Variants in TBC1D9B observed in about 807,000 individuals in gnomAD.
TBC1D9B encodes TBC1 domain family member 9B, also known as TBC1 domain family, member 9B (with GRAM domain).
In TBC1D9B, 87 loss-of-function variants were observed where a neutral mutation model predicts 121.1. The ratio of observed to expected loss-of-function variants is 0.72; its 90% confidence interval spans 0.60 to 0.86. The LOEUF is 0.86. TBC1D9B is among the 40% of genes least tolerant of loss of function. TBC1D9B has a pLI of 0.00. For synonymous variants in TBC1D9B, 668 were observed against 670.1 expected, an observed-to-expected ratio of 1.00 and a Z score of 0.05; for missense variants, 1,540 against 1,628.6, an observed-to-expected ratio of 0.95 and a Z score of 0.94.
In TBC1D9B at chr5:179,902,471, C is replaced by T. The variant is rs1044338716; in HGVS notation, c.229+2231G>A. 2.0e-5 allele frequency among the ~76,000 whole-genome samples: 3 copies of T among 152,164 alleles called. No individual in the cohort carries two copies. The highest frequency in any genetic ancestry group is 6.5e-5 in the Admixed American group (1 of 15,280). On this transcript the variant is annotated intron_variant, in intron 2 of 20. Transcript: ENST00000355235. This position sits in a 1 kb window ranked among gnomAD's most constrained non-coding sequence, Gnocchi z 4.9. ...TGGTGAGTTGCTTCTGGGGCCTAGC[C>T]TGGCTGGCAGGAAAGGGAGGCACAG...
At position 179,863,344 on chromosome 5, in the gene TBC1D9B, G is replaced by A; in HGVS notation, c.*104C>T. 2 of 1,325,948 alleles carry A rather than the reference G, an allele frequency of 1.5e-6. No homozygotes were observed. The highest frequency in any genetic ancestry group is 2.1e-6 in the Non-Finnish European group (2 of 968,906). The allele number at this position is 1,325,948 out of a possible 1,614,324, so 82.1% of individuals were successfully genotyped here. A position where few individuals can be genotyped will look rare whatever the true frequency, so the allele number is the denominator to read the frequency against. ...CAACTCACTGCTCCTGGGAGAGCAGGAGGGGCACACCTTTAAAGAGAAACT... is the reference window on the plus strand; with the variant it reads ...CAACTCACTGCTCCTGGGAGAGCAGAAGGGGCACACCTTTAAAGAGAAACT... On this transcript the variant is annotated 3_prime_UTR_variant, in exon 21 of 21. Coordinates refer to ENST00000355235, the MANE Select transcript of TBC1D9B (RefSeq NM_015043.4). The surrounding 1 kb of genome is among the most constrained non-coding windows in gnomAD (Gnocchi z 4.5).
chr5:179,870,575 C>A, intron 15 of TBC1D9B, 80 bp from the exon 16 acceptor site: 1 of 1,493,134 alleles, frequency 6.7e-7, no homozygotes, highest in Non-Finnish European at 8.9e-7. Flanking sequence ...GGTGTGTCCA[C>A]CCTCCCCCTC....
intron 18 of TBC1D9B, 190 bp downstream of exon 18, chr5:179,867,588 C>T (rs2113602051): frequency 1.3e-6 from 2 of 1,510,372 alleles, no homozygotes; most frequent in Non-Finnish European, 1.8e-6. Context: ...GGAGTGAGGA[C>T]ATCCACAGGG....
chr5:179,869,697 G>T, intron 17 of TBC1D9B, 72 bp downstream of exon 17: 1 of 1,543,078 alleles, frequency 6.5e-7, no homozygotes, highest in Non-Finnish European at 8.9e-7. Flanking sequence ...GTCTCACAGA[G>T]GCCTGTCCTC....
intron 17 of TBC1D9B, chr5:179,868,169 C>T (rs534372433): frequency 5.2e-5 from 10 of 192,924 alleles, no homozygotes; most frequent in African/African-American, 2.1e-4. Context: ...TCCCAAAGTG[C>T]TGGGATTACA....
At chr5:179,871,419 T>G in intron 15 of TBC1D9B, 43 bp downstream of exon 15, 1 of 1,590,224 alleles carries the variant, frequency 6.3e-7, no homozygotes, top group Non-Finnish European at 8.6e-7. Flanking sequence ...GGCAGGAAGC[T>G]AGGAAGCTAG....
rs773694288 is a variant in TBC1D9B, at chr5:179,891,581, AG to A, written c.841del (p.Leu281TrpfsTer22). 4 of 1,612,540 alleles carry A rather than the reference AG, an allele frequency of 2.5e-6. No homozygotes were observed. The highest frequency in any genetic ancestry group is 3.4e-6 in the Non-Finnish European group (4 of 1,179,808). On this transcript the variant is annotated frameshift_variant, in exon 6 of 21. Transcript: ENST00000355235. LOFTEE classifies it high-confidence loss of function. This position sits in a 1 kb window ranked among gnomAD's most constrained non-coding sequence, Gnocchi z 4.3. ...GCACTCATTCTTGGCTCGGGCGTCC[AG>A]GTCTCTGGGGAAACAAGGTAGGAGG... ...HRNISALKRD[L>X]DARAKNECYR...
chr5:179,879,650 A>C lies in TBC1D9B; in HGVS notation c.1394T>G (p.Met465Arg). ...CACCCCCTTGGCTCCAAGGTCCTCC[A>C]TGGGCGAGTTTTTCTGGAAGAGCTT... Reference protein sequence around the residue: ...LLKLFQKNSPMEDLGAKGAKE... With the variant: ...LLKLFQKNSPREDLGAKGAKE... The change falls in exon 8 of 21, where the codon ATG becomes AGG. Residue 465 changes from methionine to arginine, a missense_variant. By Grantham distance (91) the Met-to-Arg change is moderately conservative. Transcript: ENST00000355235. 5 of 1,614,012 alleles carry C rather than the reference A, an allele frequency of 3.1e-6. No homozygotes were observed. The highest frequency in any genetic ancestry group is 4.2e-6 in the Non-Finnish European group (5 of 1,179,940).
Position 179,904,825 on chromosome 5 carries a change from CAG to C in TBC1D9B, c.119-15_119-14del. Reference sequence around the variant, plus strand: ...CCCACGAGAAGACCTGGGAACAGGGCAGAGAGACATAGAGGGTGAGGGGAGGG... The same window carrying C: ...CCCACGAGAAGACCTGGGAACAGGGCAGAGACATAGAGGGTGAGGGGAGGG... On this transcript the variant is annotated splice_polypyrimidine_tract_variant and intron_variant, in intron 1 of 20. Coordinates refer to ENST00000355235, the MANE Select transcript of TBC1D9B (RefSeq NM_015043.4). The surrounding 1 kb of genome is among the most constrained non-coding windows in gnomAD (Gnocchi z 4.2). 6.5e-7 allele frequency: 1 copy of C among 1,548,048 alleles called. No individual in the cohort carries two copies. The highest frequency in any genetic ancestry group is 1.2e-5 in the South Asian group (1 of 83,780).
chr5:179,873,154 C>T lies in TBC1D9B; in HGVS notation c.2281G>A (p.Val761Met). 1 of 1,612,786 alleles carries T rather than the reference C, an allele frequency of 6.2e-7. No individual in the cohort carries two copies. Among genetic ancestry groups the T allele is most frequent in the Non-Finnish European group, 8.5e-7 (1 of 1,179,484 alleles). ...ACTTTCAGGAGCTCAAAGATGTCCA[C>T]CTCTGCAGGGGGGTCATCGCTGCTG... ...LSSSDDPPAE[V>M]DIFELLKVSY... The change falls in exon 13 of 21, where the codon GTG becomes ATG. Residue 761 changes from valine (V) to methionine (M), a missense_variant. Transcript: ENST00000355235.
At position 179,893,083 on chromosome 5, in the gene TBC1D9B, G is replaced by C. The variant is rs1247962855; in HGVS notation, c.836+126C>G. The C allele has an allele frequency of 4.4e-6, 6 of 1,354,626 alleles. No individual in the cohort carries two copies. The East Asian group carries it at 1.2e-4, about 28-fold the overall frequency. 83.9% of individuals were successfully genotyped at this position (1,354,626 alleles called of 1,614,324 possible). On this transcript the variant is annotated intron_variant, in intron 5 of 20. Transcript: ENST00000355235. ...TGTTTACCTGGCTTCCTTCCCAAGT[G>C]GGGAGCCCATGAGGGGTGAATGTGG... is the stretch of plus-strand genomic sequence containing the variant.
At position 179,864,068 on chromosome 5, in the gene TBC1D9B, G is replaced by C. The variant is rs778318050; in HGVS notation, c.3082C>G (p.Gln1028Glu). 1.9e-6 allele frequency: 3 copies of C among 1,613,556 alleles called. No individual in the cohort carries two copies. Among genetic ancestry groups the C allele is most frequent in the Non-Finnish European group, 2.5e-6 (3 of 1,180,026 alleles). Residue 1028 changes from glutamine to glutamate, a missense_variant, in exon 21 of 21, where the codon CAG (glutamine) becomes GAG (glutamate). Transcript: ENST00000355235. Reference protein sequence around the residue: ...YNMFSEDPMEQDLYHAIATVA... With the variant: ...YNMFSEDPMEEDLYHAIATVA... ...GTGGCGATGGCGTGGTACAGGTCCTGCTCCATGGGGTCTTCACTGAACATG... is the reference window on the plus strand; with the variant it reads ...GTGGCGATGGCGTGGTACAGGTCCTCCTCCATGGGGTCTTCACTGAACATG...
intron 6 of TBC1D9B, 100 bp from the exon 7 acceptor site, chr5:179,888,412 G>A: frequency 8.3e-7 from 1 of 1,207,384 alleles, no homozygotes; most frequent in Non-Finnish European, 1.2e-6. Flanking sequence ...TCCTCTCCTG[G>A]GCACAATGCA....
intron 2 of TBC1D9B, among the ~76,000 whole-genome samples, chr5:179,900,921 T>C (rs1161140334): frequency 6.6e-6 from 1 of 152,158 alleles, no homozygotes; most frequent in African/African-American, 2.4e-5. Context: ...CAGGCTCTTC[T>C]GCCAGCTGGA....
rs965303509 is a variant in TBC1D9B, at chr5:179,901,129, C to T, written c.230-1822G>A. 5.3e-5 allele frequency among the ~76,000 whole-genome samples: 8 copies of T among 152,306 alleles called. No individual in the cohort carries two copies. The South Asian group carries it at 1.7e-3, about 32-fold the overall frequency. On this transcript the variant is annotated intron_variant, in intron 2 of 20. Transcript: ENST00000355235. ...CTCCCGATTGGCCTGGGGGAGGATGCCCACGGGAAAACGATTCCACCCAGA... is the reference window on the plus strand; with the variant it reads ...CTCCCGATTGGCCTGGGGGAGGATGTCCACGGGAAAACGATTCCACCCAGA...
At chr5:179,901,902 G>A (rs1238026120) in intron 2 of TBC1D9B, among the ~76,000 whole-genome samples, 1 of 152,204 alleles carries the variant, frequency 6.6e-6, no homozygotes, top group East Asian at 1.9e-4. Flanking sequence ...GCTAATTAGA[G>A]TATTAAATGC....
rs748526865 is a variant in TBC1D9B, at chr5:179,891,597, A to G, written c.837-11T>C. The G allele has an allele frequency of 2.5e-6, 4 of 1,611,000 alleles. No individual in the cohort carries two copies. The highest frequency in any genetic ancestry group is 2.2e-5 in the East Asian group (1 of 44,838). ...CGGGCGTCCAGGTCTCTGGGGAAAC[A>G]AGGTAGGAGGACAGGAGGAAAGGGG... On this transcript the variant is annotated splice_polypyrimidine_tract_variant and intron_variant, in intron 5 of 20. Coordinates refer to ENST00000355235, the MANE Select transcript of TBC1D9B (RefSeq NM_015043.4). This position sits in a 1 kb window ranked among gnomAD's most constrained non-coding sequence, Gnocchi z 4.3.
At chr5:179,864,180 C>A in intron 20 of TBC1D9B, 52 bp from the exon 21 acceptor site, 2 of 1,511,914 alleles carry the variant, frequency 1.3e-6, no homozygotes, top group East Asian at 4.7e-5. Context: ...ACCAGTCAGA[C>A]GGGGTCCATA....
rs1289906564 is a variant in TBC1D9B, at chr5:179,902,404, C to G, written c.229+2298G>C. 6.6e-6 allele frequency among the ~76,000 whole-genome samples: 1 copy of G among 152,116 alleles called. No individual in the cohort carries two copies. Among genetic ancestry groups the G allele is most frequent in the African/African-American group, 2.4e-5 (1 of 41,404 alleles). On this transcript the variant is annotated intron_variant, in intron 2 of 20. Coordinates refer to ENST00000355235, the MANE Select transcript of TBC1D9B (RefSeq NM_015043.4). The surrounding 1 kb of genome is among the most constrained non-coding windows in gnomAD (Gnocchi z 4.9). ...GTCCTCGAACACCAGGCTCAAGGGT[C>G]AGGACTCACTAAGCAGGTGCTGGCA...
Sources: allele counts gnomAD v4.1 joint callset (sites outside exome capture counted in the v4.1 genomes callset), GRCh38; gene constraint gnomAD v4.1.1; non-coding constraint Gnocchi (gnomAD v3.1); transcripts MANE v1.5; gene names NCBI Gene and HGNC (gene_info 2026-07-23, HGNC 2026-07-21).